The following GCNT1 variants were observed in gnomAD, a reference collection of about 807,000 sequenced individuals.
The protein encoded by GCNT1 is glucosaminyl (N-acetyl) transferase 1, also known as beta-1,3-galactosyl-O-glycosyl-glycoprotein beta-1,6-N-acetylglucosaminyltransferase.
A neutral mutation model predicts 26.2 loss-of-function variants in GCNT1; 16 were observed. That is an observed-to-expected ratio of 0.61 (90% CI 0.41 to 0.93). The LOEUF (loss-of-function observed/expected upper bound fraction) is 0.93, where lower values mean the gene tolerates loss of function less well. Among genes scored for constraint, GCNT1 ranks in the 40% least tolerant of loss-of-function variants. GCNT1 has a pLI of 0.00. For synonymous variants in GCNT1, 183 were observed against 190.8 expected, an observed-to-expected ratio of 0.96 and a Z score of 0.34; for missense variants, 477 against 526.7, an observed-to-expected ratio of 0.91 and a Z score of 0.92.
chr9:76,472,639 C>T (rs1824156737), intron 2 of GCNT1, among the ~76,000 whole-genome samples: 1 of 152,078 alleles, frequency 6.6e-6, no homozygotes, highest in African/African-American at 2.4e-5. Context: ...TACCATGTCT[C>T]TGTCTTTAAA....
At chr9:76,400,926 G>A in the GCNT1 span, among the ~76,000 whole-genome samples, 5,105 of 152,342 alleles carry the variant, frequency 0.034, 102 homozygotes, top group Non-Finnish European at 0.048. Flanking sequence ...GAGCTTAGTA[G>A]TAGGTAAGGG....
At position 76,466,666 on chromosome 9, in the gene GCNT1, G is replaced by A. The variant is rs143914693; in HGVS notation, c.-290+6489G>A. Reference sequence around the variant, plus strand: ...ATGCAGGAGGGTAAAATAAATGATAGGACCAGTTTTCAGAGAGGGTGAGAA... The same window carrying A: ...ATGCAGGAGGGTAAAATAAATGATAAGACCAGTTTTCAGAGAGGGTGAGAA... On this transcript the variant is annotated intron_variant, in intron 2 of 3. Coordinates refer to ENST00000376730, the MANE Select transcript of GCNT1 (RefSeq NM_001490.5). Among the ~76,000 whole-genome samples, 215 of 152,274 alleles carry A rather than the reference G, an allele frequency of 1.4e-3. 2 individuals are homozygous for A. The East Asian group carries it at 0.019, about 13-fold the overall frequency.
At chr9:76,470,342 G>A (rs1448136209) in intron 2 of GCNT1, among the ~76,000 whole-genome samples, 1 of 152,148 alleles carries the variant, frequency 6.6e-6, no homozygotes, top group Non-Finnish European at 1.5e-5. Flanking sequence ...GGTACCTCAT[G>A]CCTGTAATTT....
At chr9:76,399,082 G>A in the GCNT1 span, 1 of 1,595,316 alleles carries the variant, frequency 6.3e-7, no homozygotes, top group East Asian at 2.2e-5. Flanking sequence ...CTGACCCCAG[G>A]GCTGACCACC....
At chr9:76,494,211 C>A (rs1824837684) in intron 2 of GCNT1, among the ~76,000 whole-genome samples, 1 of 152,152 alleles carries the variant, frequency 6.6e-6, no homozygotes, top group Non-Finnish European at 1.5e-5. Context: ...GTGGCCCTTG[C>A]TGACGCATTC....
At chr9:76,455,480 G>T (rs540416648), upstream of GCNT1, among the ~76,000 whole-genome samples, 129 of 152,262 alleles carry the variant, frequency 8.5e-4, no homozygotes, top group African/African-American at 2.8e-3. Flanking sequence ...GGGGAAAGGT[G>T]GTTCTATGTA....
chr9:76,503,631 A>G lies in GCNT1; in HGVS notation c.1250A>G (p.His417Arg). Reference protein sequence around the residue: ...DLFAIQCLDEHLRHKALETLK... With the variant: ...DLFAIQCLDERLRHKALETLK... ...TTTGCCATCCAGTGTTTGGATGAGC[A>G]TTTGAGACACAAAGCTTTGGAGACA... Residue 417 changes from histidine to arginine, a missense_variant, in exon 4 of 4, where the codon CAT (histidine) becomes CGT (arginine). By Grantham distance (29) the His-to-Arg change is conservative (BLOSUM62 0). Coordinates refer to ENST00000376730, the MANE Select transcript of GCNT1 (RefSeq NM_001490.5). 1 of 1,614,066 alleles carries G rather than the reference A, an allele frequency of 6.2e-7. No homozygotes were observed. Among genetic ancestry groups the G allele is most frequent in the Non-Finnish European group, 8.5e-7 (1 of 1,180,010 alleles).
Position 76,505,559 on chromosome 9 carries a change from A to T in GCNT1, c.*1891A>T, listed in dbSNP as rs589561. ...TTTAACTCTAAAACTAGTGATACTCAGTGACATAGACTTTGTCTTATAAAC... is the reference window on the plus strand; with the variant it reads ...TTTAACTCTAAAACTAGTGATACTCTGTGACATAGACTTTGTCTTATAAAC... On this transcript the variant is annotated 3_prime_UTR_variant, in exon 4 of 4. Transcript: ENST00000376730. The T allele has an allele frequency of 0.34, 56,193 of 166,544 alleles. 10,936 individuals carry two copies. Among genetic ancestry groups the T allele is most frequent in the African/African-American group, 0.54 (22,457 of 41,452 alleles). The allele number at this position is 166,544 out of a possible 1,614,324, so 10.3% of individuals were successfully genotyped here.
rs949374776 is a variant in GCNT1, at chr9:76,428,294, A to T, written n.38+8407A>T. ...AAAAAAAAAAAAAAAAAAAAACTTA[A>T]AAAAAAAAAGAGAGAGAGAAATGGA... On this transcript the variant is annotated intron_variant and non_coding_transcript_variant, in intron 1 of 3. Coordinates refer to the GCNT1 transcript ENST00000488136. 2.2e-3 allele frequency among the ~76,000 whole-genome samples: 327 copies of T among 147,264 alleles called. 2 individuals carry two copies. The highest frequency in any genetic ancestry group is 7.9e-3 in the African/African-American group (318 of 40,168).
At chr9:76,487,927 T>C (rs1824624677) in intron 2 of GCNT1, among the ~76,000 whole-genome samples, 1 of 152,018 alleles carries the variant, frequency 6.6e-6, no homozygotes, top group Non-Finnish European at 1.5e-5. Context: ...AGAGACAGAG[T>C]CTCTCCGTGT....
At chr9:76,441,064 C>CAAAAA (rs758094129), upstream of GCNT1, among the ~76,000 whole-genome samples, 18 of 129,430 alleles carry the variant, frequency 1.4e-4, no homozygotes, top group South Asian at 2.5e-4. Context: ...GACTCCATCT[C>CAAAAA]AAAAAAAAAC....
At chr9:76,500,812 G>C (rs1245961071) in intron 2 of GCNT1, 104 bp from the exon 3 acceptor site, 4 of 151,880 alleles carry the variant, frequency 2.6e-5, no homozygotes, top group Non-Finnish European at 5.9e-5. Flanking sequence ...ATAATTTTGA[G>C]AAAAAAAAGC....
chr9:76,393,991 G>A, the GCNT1 span: 10 of 1,147,534 alleles, frequency 8.7e-6, no homozygotes, highest in Non-Finnish European at 1.1e-5. Context: ...TCTGCCCGCG[G>A]TCCGGAGGCC....
At chr9:76,456,255 T>C (rs1823756473), upstream of GCNT1, among the ~76,000 whole-genome samples, 1 of 152,230 alleles carries the variant, frequency 6.6e-6, no homozygotes, top group African/African-American at 2.4e-5. Flanking sequence ...GCAATGGCTC[T>C]TCTCCCTGGC....
intron 1 of GCNT1, among the ~76,000 whole-genome samples, chr9:76,428,813 G>T (rs1291102777): frequency 1.3e-5 from 2 of 149,606 alleles, no homozygotes; most frequent in Admixed American, 1.4e-4. Context: ...CGATTCTCCT[G>T]CCTCAGCCTC....
In GCNT1 at chr9:76,506,467, C is replaced by T. The variant is rs770324169; in HGVS notation, c.*2799C>T. 7 of 166,660 alleles carry T rather than the reference C, an allele frequency of 4.2e-5. No homozygotes were observed. The highest frequency in any genetic ancestry group is 2.1e-4 in the South Asian group (1 of 4,816). 10.3% of individuals were successfully genotyped at this position (166,660 alleles called of 1,614,324 possible). On this transcript the variant is annotated 3_prime_UTR_variant, in exon 4 of 4. Transcript: ENST00000376730. Reference sequence around the variant, plus strand: ...AGGAGAATCTCTTGAGCCCAGGAGGCGGAGGTTGCAGTGAGCTGAGATGCC... The same window carrying T: ...AGGAGAATCTCTTGAGCCCAGGAGGTGGAGGTTGCAGTGAGCTGAGATGCC...
At chr9:76,459,678 C>G (rs1356666448) in intron 1 of GCNT1, among the ~76,000 whole-genome samples, 1 of 152,180 alleles carries the variant, frequency 6.6e-6, no homozygotes, top group African/African-American at 2.4e-5. Context: ...GGCTTAACTT[C>G]ATTTAACTTC....
chr9:76,428,699 ATTTTT>A lies in GCNT1; in HGVS notation n.38+8826_38+8830del, dbSNP rs5898475. Among the ~76,000 whole-genome samples the A allele has an allele frequency of 3.8e-5, 5 of 130,124 alleles. No homozygotes were observed. In the South Asian group the frequency reaches 9.7e-4, roughly 25 times the overall value. 85.4% of individuals were successfully genotyped at this position (130,124 alleles called of 152,430 possible). ...GAATAACGTAGCTGTTGCGTATTCT[ATTTTT>A]TTTTTTTTTTTTTGAGACAGAGTTT... On this transcript the variant is annotated intron_variant and non_coding_transcript_variant, in intron 1 of 3. Coordinates refer to the GCNT1 transcript ENST00000488136.
At chr9:76,479,440 T>A (rs1824355971) in intron 2 of GCNT1, among the ~76,000 whole-genome samples, 2 of 152,232 alleles carry the variant, frequency 1.3e-5, no homozygotes, top group Admixed American at 6.5e-5. Context: ...CGCCACACTG[T>A]CTTCCACAAT....
Sources: gnomAD v4.1 joint callset for allele counts (sites outside exome capture counted in the v4.1 genomes callset) on GRCh38, gnomAD v4.1.1 for gene constraint, MANE v1.5 for transcripts, NCBI Gene and HGNC (gene_info 2026-07-23, HGNC 2026-07-21) for gene names.